The following CDKAL1 variants were observed in gnomAD, a reference collection of about 807,000 sequenced individuals.
CDKAL1 encodes the protein threonylcarbamoyladenosine tRNA methylthiotransferase.
CDKAL1 carries 32 observed loss-of-function variants against 68.2 expected under a neutral mutation model. That is an observed-to-expected ratio of 0.47 (90% confidence interval 0.35 to 0.63). The LOEUF (loss-of-function observed/expected upper bound fraction) is 0.63, where lower values mean the gene tolerates loss of function less well. CDKAL1 is among the 30% of genes least tolerant of loss of function. The pLI is 0.00. For missense variants in CDKAL1, 606 were observed against 696.7 expected (o/e 0.87, Z 1.47); for synonymous variants, 234 against 244.3 (o/e 0.96, Z 0.39).
intron 4 of CDKAL1, among the ~76,000 whole-genome samples, chr6:20,616,488 G>T (rs575676051): frequency 1.4e-5 from 2 of 141,598 alleles, no homozygotes; most frequent in Admixed American, 7.2e-5. Context: ...CCTTGAAGAG[G>T]TCCTTCACAT....
At chr6:21,187,100 G>A (rs1778045369) in intron 13 of CDKAL1, among the ~76,000 whole-genome samples, 1 of 152,152 alleles carries the variant, frequency 6.6e-6, no homozygotes, top group South Asian at 2.1e-4. Context: ...TTGCACTGGT[G>A]TATGTTTGAT....
intron 13 of CDKAL1, among the ~76,000 whole-genome samples, chr6:21,174,380 G>T (rs9465981): frequency 1.3e-5 from 2 of 151,970 alleles, no homozygotes; most frequent in Non-Finnish European, 2.9e-5. Flanking sequence ...ATACATTTTA[G>T]TACAAAGTAG....
intron 5 of CDKAL1, among the ~76,000 whole-genome samples, chr6:20,719,236 G>T (rs546261231): frequency 6.6e-6 from 1 of 152,286 alleles, no homozygotes; most frequent in Admixed American, 6.5e-5. Context: ...CATTTAATTT[G>T]CCTCAGTCTT....
At chr6:20,833,000 C>G (rs1777780301) in intron 8 of CDKAL1, among the ~76,000 whole-genome samples, 1 of 152,088 alleles carries the variant, frequency 6.6e-6, no homozygotes, top group South Asian at 2.1e-4. Flanking sequence ...GTATTTTCCC[C>G]AGAATTCCCA....
chr6:20,948,031 T>C (rs953955411), intron 9 of CDKAL1, among the ~76,000 whole-genome samples: 1 of 150,900 alleles, frequency 6.6e-6, no homozygotes, highest in Non-Finnish European at 1.5e-5. Context: ...TTTTTTTTTT[T>C]TAAAGAAACA....
At chr6:20,646,611 T>C (rs1424650230) in intron 4 of CDKAL1, among the ~76,000 whole-genome samples, 1 of 152,196 alleles carries the variant, frequency 6.6e-6, no homozygotes, top group African/African-American at 2.4e-5. Flanking sequence ...TTATTCATTG[T>C]CATACTTCTT....
At chr6:21,020,227 TA>T (rs1490279522) in intron 11 of CDKAL1, among the ~76,000 whole-genome samples, 2 of 152,192 alleles carry the variant, frequency 1.3e-5, no homozygotes, top group East Asian at 1.9e-4. Flanking sequence ...TTGGAGAAGT[TA>T]TTTTTTTCTC....
intron 11 of CDKAL1, among the ~76,000 whole-genome samples, chr6:21,044,150 G>A (rs1054519475): frequency 1.4e-5 from 2 of 144,930 alleles, no homozygotes; most frequent in Middle Eastern, 6.5e-3. Context: ...TTTCCTCCCT[G>A]TGTTATTCTT....
chr6:20,711,399 G>A (rs1416710356), intron 5 of CDKAL1, among the ~76,000 whole-genome samples: 1 of 152,160 alleles, frequency 6.6e-6, no homozygotes, highest in African/African-American at 2.4e-5. Flanking sequence ...TTAATCACCT[G>A]TAATATAGTA....
chr6:21,141,746 A>G (rs1775924584), intron 13 of CDKAL1, among the ~76,000 whole-genome samples: 1 of 152,180 alleles, frequency 6.6e-6, no homozygotes, highest in South Asian at 2.1e-4. Flanking sequence ...CTCAGGCTTT[A>G]TTCGCTCAGT....
intron 10 of CDKAL1, among the ~76,000 whole-genome samples, chr6:20,986,342 G>A (rs994467442): frequency 3.9e-5 from 6 of 152,046 alleles, no homozygotes; most frequent in Non-Finnish European, 8.8e-5. Context: ...CAAGATGATA[G>A]CAAGAGTAAT....
At chr6:20,552,046 A>G (rs1763856330) in intron 4 of CDKAL1, among the ~76,000 whole-genome samples, 1 of 151,760 alleles carries the variant, frequency 6.6e-6, no homozygotes, top group Non-Finnish European at 1.5e-5. Context: ...GGAAAAAAAA[A>G]AAAAAAAGGC....
At chr6:20,875,806 A>G (rs1486234944) in intron 9 of CDKAL1, among the ~76,000 whole-genome samples, 2 of 152,220 alleles carry the variant, frequency 1.3e-5, no homozygotes, top group East Asian at 3.8e-4. Context: ...TATATAATAG[A>G]TCTATTTGAA....
At chr6:20,594,037 G>T (rs1019660214) in intron 4 of CDKAL1, among the ~76,000 whole-genome samples, 2 of 152,220 alleles carry the variant, frequency 1.3e-5, no homozygotes, top group Non-Finnish European at 2.9e-5. Flanking sequence ...TGTGGTCTGA[G>T]AGACTGTTTG....
chr6:20,621,012 T>A (rs1238766636), intron 4 of CDKAL1, among the ~76,000 whole-genome samples: 1 of 152,064 alleles, frequency 6.6e-6, no homozygotes, highest in Non-Finnish European at 1.5e-5. Flanking sequence ...CTCCTTAGGG[T>A]CCTCTTGCTG....
intron 5 of CDKAL1, among the ~76,000 whole-genome samples, chr6:20,692,213 A>G (rs1378384835): frequency 6.6e-6 from 1 of 152,204 alleles, no homozygotes; most frequent in Non-Finnish European, 1.5e-5. Context: ...AATTCTCACT[A>G]TTTCTTTGCC....
intron 4 of CDKAL1, among the ~76,000 whole-genome samples, chr6:20,569,573 C>G (rs762624204): frequency 5.9e-5 from 9 of 152,192 alleles, no homozygotes; most frequent in Non-Finnish European, 1.2e-4. Context: ...TTAGCATTGA[C>G]TGCCAGCCAC....
chr6:20,536,833 G>A (rs1202520735), intron 2 of CDKAL1, among the ~76,000 whole-genome samples: 2 of 152,216 alleles, frequency 1.3e-5, no homozygotes, highest in East Asian at 3.9e-4. Flanking sequence ...AAGAAAAAAT[G>A]TTCATTTCTA....
intron 9 of CDKAL1, among the ~76,000 whole-genome samples, chr6:20,858,717 T>C (rs1410325011): frequency 5.9e-5 from 9 of 152,180 alleles, no homozygotes; most frequent in African/African-American, 1.7e-4. Flanking sequence ...GATGGAGTGT[T>C]ATAAAATTGC....
Sources: allele counts gnomAD v4.1 joint callset (sites outside exome capture counted in the v4.1 genomes callset), GRCh38; gene constraint gnomAD v4.1.1; transcripts MANE v1.5; gene names NCBI Gene and HGNC (gene_info 2026-07-23, HGNC 2026-07-21).